Variants in LDAH observed in about 807,000 individuals in gnomAD.
LDAH encodes the protein lipid droplet-associated hydrolase.
In LDAH, 26 loss-of-function variants were observed where a neutral mutation model predicts 29.6. The observed-to-expected ratio is 0.88, with a 90% CI of 0.64 to 1.22. The LOEUF is 1.22. LDAH is among the 50% of genes most tolerant of loss of function. The pLI, the probability that LDAH is intolerant of heterozygous loss-of-function variation, is 0.00. For synonymous variants in LDAH, 117 were observed against 133.0 expected (o/e 0.88, Z 0.83); for missense variants, 344 against 387.3 (o/e 0.89, Z 0.94).
chr2:20,794,298 C>T (rs376028496), intron 2 of LDAH, among the ~76,000 whole-genome samples: 9 of 152,124 alleles, frequency 5.9e-5, no homozygotes, highest in Non-Finnish European at 1.3e-4. Flanking sequence ...TCCCACAACA[C>T]GTGGAAATTG....
intron 4 of LDAH, among the ~76,000 whole-genome samples, chr2:20,760,556 CA>C (rs895184668): frequency 2.0e-5 from 3 of 152,194 alleles, no homozygotes; most frequent in African/African-American, 7.2e-5. Context: ...GGATACAAAT[CA>C]CTAAGGTTGT....
At chr2:20,738,209 G>T (rs559320779) in intron 5 of LDAH, among the ~76,000 whole-genome samples, 4 of 150,918 alleles carry the variant, frequency 2.7e-5, no homozygotes, top group African/African-American at 9.8e-5. Context: ...CCGAGATCGC[G>T]CCACTGCACT....
intron 5 of LDAH, among the ~76,000 whole-genome samples, chr2:20,736,785 G>C (rs1666822078): frequency 6.6e-6 from 1 of 152,152 alleles, no homozygotes; most frequent in African/African-American, 2.4e-5. Context: ...CTTGTGTGCA[G>C]TGCTTTTCTT....
At chr2:20,747,825 T>G (rs1000424557) in intron 4 of LDAH, among the ~76,000 whole-genome samples, 8 of 152,144 alleles carry the variant, frequency 5.3e-5, no homozygotes, top group Non-Finnish European at 1.0e-4. Context: ...ATTGTTTCAT[T>G]TAATACACAT....
intron 5 of LDAH, among the ~76,000 whole-genome samples, chr2:20,712,781 G>T (rs1434192783): frequency 6.6e-6 from 1 of 152,030 alleles, no homozygotes; most frequent in Non-Finnish European, 1.5e-5. Flanking sequence ...TGGAAGAAAG[G>T]GTATCAGTGA....
intron 1 of LDAH, among the ~76,000 whole-genome samples, chr2:20,802,534 A>G (rs189701672): frequency 1.4e-4 from 22 of 152,138 alleles, no homozygotes; most frequent in Admixed American, 1.2e-3. Context: ...TTCCTCATCT[A>G]CTGACAGCAC....
downstream of LDAH, among the ~76,000 whole-genome samples, chr2:20,683,034 C>T (rs1662358992): frequency 6.6e-6 from 1 of 152,262 alleles, no homozygotes; most frequent in South Asian, 2.1e-4. Context: ...ATCCTCTTCT[C>T]TCTTCCAAGA....
intron 4 of LDAH, among the ~76,000 whole-genome samples, chr2:20,743,892 C>A (rs1278392545): frequency 2.7e-5 from 4 of 147,164 alleles, no homozygotes; most frequent in Non-Finnish European, 6.0e-5. Context: ...CTTTTTTTTT[C>A]TTTTCCCAGT....
At chr2:20,739,079 T>G (rs1345643268) in intron 5 of LDAH, among the ~76,000 whole-genome samples, 1 of 152,252 alleles carries the variant, frequency 6.6e-6, no homozygotes, top group East Asian at 1.9e-4. Context: ...TGGGCAATCA[T>G]GTAACCTCTT....
At chr2:20,786,109 T>C (rs1428254182) in intron 3 of LDAH, among the ~76,000 whole-genome samples, 3 of 152,236 alleles carry the variant, frequency 2.0e-5, no homozygotes, top group African/African-American at 7.2e-5. Flanking sequence ...GGACATGATG[T>C]ATTAAGTAAT....
intron 5 of LDAH, among the ~76,000 whole-genome samples, chr2:20,710,331 G>T (rs572745197): frequency 6.6e-6 from 1 of 151,830 alleles, no homozygotes; most frequent in South Asian, 2.1e-4. Flanking sequence ...TAGACACCTT[G>T]GACAAAATGG....
At chr2:20,690,917 T>C (rs1016205038) in intron 6 of LDAH, among the ~76,000 whole-genome samples, 2 of 152,138 alleles carry the variant, frequency 1.3e-5, no homozygotes, top group African/African-American at 4.8e-5. Context: ...AAGGAAAGTA[T>C]TGTATCTATA....
At chr2:20,791,744 A>G (rs967335911) in intron 2 of LDAH, among the ~76,000 whole-genome samples, 2 of 152,208 alleles carry the variant, frequency 1.3e-5, no homozygotes, top group African/African-American at 4.8e-5. Flanking sequence ...TTATGCATTT[A>G]AGTCTTCAGT....
At chr2:20,758,335 C>G (rs902544723) in intron 4 of LDAH, among the ~76,000 whole-genome samples, 1 of 151,974 alleles carries the variant, frequency 6.6e-6, no homozygotes, top group African/African-American at 2.4e-5. Flanking sequence ...TGGAGATTTG[C>G]AGGAATTAGT....
chr2:20,740,499 G>C (rs1667099563), intron 4 of LDAH, among the ~76,000 whole-genome samples: 1 of 152,062 alleles, frequency 6.6e-6, no homozygotes, highest in Admixed American at 6.5e-5. Flanking sequence ...TGTAGAGAGA[G>C]GGTCTCCCTG....
chr2:20,685,398 C>T lies in LDAH; in HGVS notation c.*1505G>A. On this transcript the variant is annotated 3_prime_UTR_variant, in exon 7 of 7. Coordinates refer to ENST00000237822, the MANE Select transcript of LDAH (RefSeq NM_021925.4). Reference sequence around the variant, plus strand: ...CAGATGCCAATAAAGGATCTGTGTACAGCCCTGTGCTTACGGCCTATGTAT... The same window carrying T: ...CAGATGCCAATAAAGGATCTGTGTATAGCCCTGTGCTTACGGCCTATGTAT... 1 of 970,696 alleles carries T rather than the reference C, an allele frequency of 1.0e-6. No homozygotes were observed. Among genetic ancestry groups the T allele is most frequent in the South Asian group, 1.7e-5 (1 of 57,170 alleles). The allele number at this position is 970,696 out of a possible 1,614,324, so 60.1% of individuals were successfully genotyped here.
chr2:20,708,056 G>C (rs1349448414), intron 5 of LDAH, among the ~76,000 whole-genome samples: 2 of 152,166 alleles, frequency 1.3e-5, no homozygotes, highest in East Asian at 3.8e-4. Context: ...TGCAGGAAAA[G>C]AAGCTCAGGG....
chr2:20,767,233 G>A (rs926803247), intron 4 of LDAH, among the ~76,000 whole-genome samples: 33 of 152,212 alleles, frequency 2.2e-4, no homozygotes, highest in African/African-American at 7.7e-4. Context: ...GAAACAGGCA[G>A]CAGCCCAAGA....
chr2:20,729,945 G>T (rs1454382777), intron 5 of LDAH, among the ~76,000 whole-genome samples: 1 of 152,186 alleles, frequency 6.6e-6, no homozygotes, highest in Non-Finnish European at 1.5e-5. Flanking sequence ...ACAGGTGTGT[G>T]CCACCATGCC....
Sources: gnomAD v4.1 joint callset for allele counts (sites outside exome capture counted in the v4.1 genomes callset) on GRCh38, gnomAD v4.1.1 for gene constraint, MANE v1.5 for transcripts, NCBI Gene and HGNC (gene_info 2026-07-23, HGNC 2026-07-21) for gene names.